Variants in PCDH7 observed in about 807,000 individuals in gnomAD.
PCDH7 encodes the protein protocadherin 7, also known as protocadherin-7.
In PCDH7, 17 loss-of-function variants were observed where a neutral mutation model predicts 58.9. The ratio of observed to expected loss-of-function variants is 0.29; its 90% CI spans 0.20 to 0.43. The LOEUF is 0.43. PCDH7 is among the 20% of genes least tolerant of loss of function. PCDH7 has a pLI of 1.00. For missense variants in PCDH7, 1,274 were observed against 1,441.0 expected (o/e 0.88, Z 1.88); for synonymous variants, 664 against 616.4 (o/e 1.08, Z -1.14).
At chr4:30,849,041 T>C (rs540063344) in intron 1 of PCDH7, among the ~76,000 whole-genome samples, 12 of 152,304 alleles carry the variant, frequency 7.9e-5, no homozygotes, top group African/African-American at 2.6e-4. Context: ...ATAACACTTA[T>C]GGCCTTTAAC....
intron 2 of PCDH7, among the ~76,000 whole-genome samples, chr4:30,949,144 C>T (rs1216962729): frequency 6.6e-6 from 1 of 152,252 alleles, no homozygotes; most frequent in East Asian, 1.9e-4. Flanking sequence ...AAAATTAATT[C>T]TCTCCTATAT....
chr4:30,996,686 G>A (rs13139335), intron 3 of PCDH7, among the ~76,000 whole-genome samples: 59,220 of 151,986 alleles, frequency 0.39, 12,769 homozygotes, highest in East Asian at 0.73. Flanking sequence ...TATTTTTATA[G>A]TATAGTTGAT....
rs550068945 is a variant in PCDH7, at chr4:30,760,119, T to A, written c.70+35523T>A. 9.2e-5 allele frequency among the ~76,000 whole-genome samples: 14 copies of A among 152,300 alleles called. No homozygotes were observed. The South Asian group carries it at 1.5e-3, about 16-fold the overall frequency. On this transcript the variant is annotated intron_variant, in intron 1 of 3. Transcript: ENST00000509759. Reference sequence around the variant, plus strand: ...GCTTCAAGTGCCATTGTTCCTCTGCTTCTCAAGGTTAGTATCCCCCAGTGT... The same window carrying A: ...GCTTCAAGTGCCATTGTTCCTCTGCATCTCAAGGTTAGTATCCCCCAGTGT...
In PCDH7 at chr4:30,806,820, C is replaced by T. The variant is rs76866392; in HGVS notation, c.70+82224C>T. On this transcript the variant is annotated intron_variant, in intron 1 of 3. Transcript: ENST00000509759. ...CTTCAATCTTCAGTCCCTGCCCCAA[C>T]CTTAATTTGCCCATGTTGATCACAC... Among the ~76,000 whole-genome samples, 17 of 152,074 alleles carry T rather than the reference C, an allele frequency of 1.1e-4. No individual in the cohort carries two copies. In the East Asian group the frequency reaches 3.3e-3, roughly 29 times the overall value.
At chr4:30,727,034 GA>G (rs1714706046) in intron 1 of PCDH7, among the ~76,000 whole-genome samples, 1 of 151,524 alleles carries the variant, frequency 6.6e-6, no homozygotes, top group Admixed American at 6.6e-5. Context: ...TGTTATAAAA[GA>G]AAAAAAGAGA....
intron 3 of PCDH7, among the ~76,000 whole-genome samples, chr4:30,996,286 T>TGTGGTC (rs1751893107): frequency 6.6e-6 from 1 of 152,190 alleles, no homozygotes; most frequent in African/African-American, 2.4e-5. Flanking sequence ...TCCATTTTAA[T>TGTGGTC]ATGGTCATTC....
chr4:30,825,567 G>A (rs1395037680), intron 1 of PCDH7, among the ~76,000 whole-genome samples: 2 of 152,100 alleles, frequency 1.3e-5, no homozygotes, highest in African/African-American at 4.8e-5. Flanking sequence ...CTGTATTGCT[G>A]TTATTGATGC....
chr4:30,873,560 G>A (rs1282988649), intron 1 of PCDH7, among the ~76,000 whole-genome samples: 1 of 151,882 alleles, frequency 6.6e-6, no homozygotes, highest in African/African-American at 2.4e-5. Context: ...TGATCATCTA[G>A]CTAGTTTCTC....
At chr4:30,913,980 C>A (rs940298496) in intron 1 of PCDH7, among the ~76,000 whole-genome samples, 1 of 152,102 alleles carries the variant, frequency 6.6e-6, no homozygotes, top group African/African-American at 2.4e-5. Flanking sequence ...ACTGTAATCG[C>A]ACACCCCTTC....
Position 30,781,204 on chromosome 4 carries a change from C to T in PCDH7, c.70+56608C>T, listed in dbSNP as rs1458819118. ...AAACACTGATTGCTTGGCTATCCAACCCAAGGCGTTCTTCTTTTTTTTTTT... is the reference window on the plus strand; with the variant it reads ...AAACACTGATTGCTTGGCTATCCAATCCAAGGCGTTCTTCTTTTTTTTTTT... On this transcript the variant is annotated intron_variant, in intron 1 of 3. Coordinates refer to the PCDH7 transcript ENST00000509759. Among the ~76,000 whole-genome samples, 3 of 151,916 alleles carry T rather than the reference C, an allele frequency of 2.0e-5. No individual in the cohort carries two copies. The East Asian group carries it at 5.8e-4, about 29-fold the overall frequency.
At chr4:30,948,338 A>C (rs1746963498) in intron 2 of PCDH7, among the ~76,000 whole-genome samples, 1 of 151,802 alleles carries the variant, frequency 6.6e-6, no homozygotes, top group Admixed American at 6.6e-5. Context: ...ATCTGGCCAC[A>C]AATTAAGAGC....
At chr4:30,876,191 A>G (rs1239410356) in intron 1 of PCDH7, among the ~76,000 whole-genome samples, 2 of 152,122 alleles carry the variant, frequency 1.3e-5, no homozygotes, top group Non-Finnish European at 2.9e-5. Context: ...AGATCAACCT[A>G]TAGTGTTAAT....
At chr4:30,756,397 G>A (rs1386409994) in intron 1 of PCDH7, among the ~76,000 whole-genome samples, 2 of 152,058 alleles carry the variant, frequency 1.3e-5, no homozygotes, top group Non-Finnish European at 2.9e-5. Flanking sequence ...CCAAATGATA[G>A]CACCCACCCG....
intron 1 of PCDH7, among the ~76,000 whole-genome samples, chr4:30,900,293 A>G (rs1017114004): frequency 1.3e-5 from 2 of 152,134 alleles, no homozygotes; most frequent in Admixed American, 6.5e-5. Flanking sequence ...GAACCAATAC[A>G]TTTTTTTAAA....
At chr4:31,110,617 T>G (rs1174388511) in intron 3 of PCDH7, among the ~76,000 whole-genome samples, 3 of 152,158 alleles carry the variant, frequency 2.0e-5, no homozygotes, top group Admixed American at 1.3e-4. Context: ...GAACAAATCT[T>G]AAAACATTGA....
intron 3 of PCDH7, among the ~76,000 whole-genome samples, chr4:31,111,503 T>C (rs536507992): frequency 5.7e-4 from 86 of 151,768 alleles, no homozygotes; most frequent in African/African-American, 1.6e-3. Flanking sequence ...AGAGACGGGG[T>C]TTTTCTGTGT....
At chr4:30,860,377 A>C (rs1734038886) in intron 1 of PCDH7, among the ~76,000 whole-genome samples, 1 of 152,062 alleles carries the variant, frequency 6.6e-6, no homozygotes, top group African/African-American at 2.4e-5. Flanking sequence ...GAGGAAGTAG[A>C]GCAGAGAGGA....
rs144421579 is a variant in PCDH7 at position 30,951,311 on chromosome 4, T to A, written c.*7+1096T>A. On this transcript the variant is annotated intron_variant, in intron 3 of 3. Transcript: ENST00000509759. ...CATTTTTCTACTGTATTTGAATGCA[T>A]TGGAATACGGGAGAAATTGAAAAGG... Among the ~76,000 whole-genome samples the A allele has an allele frequency of 3.3e-4, 50 of 152,324 alleles. No homozygotes were observed. In the East Asian group the frequency reaches 9.3e-3, roughly 28 times the overall value.
At chr4:30,893,161 T>C (rs1466364390) in intron 1 of PCDH7, among the ~76,000 whole-genome samples, 2 of 152,096 alleles carry the variant, frequency 1.3e-5, no homozygotes, top group African/African-American at 4.8e-5. Flanking sequence ...TACTATATTA[T>C]CTCAAAATTG....
Sources: gnomAD v4.1 joint callset for allele counts (sites outside exome capture counted in the v4.1 genomes callset) on GRCh38, gnomAD v4.1.1 for gene constraint, MANE v1.5 for transcripts, NCBI Gene and HGNC (gene_info 2026-07-23, HGNC 2026-07-21) for gene names.